Variants in NTRK3 observed in about 807,000 individuals in gnomAD.
NTRK3 encodes the protein neurotrophic receptor tyrosine kinase 3, also known as NT-3 growth factor receptor.
Under a neutral mutation model 91.7 loss-of-function variants are expected in NTRK3, and 24 were observed. The observed-to-expected ratio is 0.26, with a 90% CI of 0.19 to 0.37. NTRK3 has a LOEUF of 0.37. NTRK3 is among the 10% of genes least tolerant of loss of function. The pLI is 1.00. For missense variants in NTRK3, 880 were observed against 1,068.9 expected, an observed-to-expected ratio of 0.82 and a Z score of 2.46; for synonymous variants, 483 against 404.0, an observed-to-expected ratio of 1.20 and a Z score of -2.34.
chr15:88,255,369 C>CTTGT lies in NTRK3; in HGVS notation c.248+533_248+536dup. Among the ~76,000 whole-genome samples, 1 of 152,270 alleles carries CTTGT rather than the reference C, an allele frequency of 6.6e-6. No homozygotes were observed. Among genetic ancestry groups the CTTGT allele is most frequent in the East Asian group, 1.9e-4 (1 of 5,156 alleles). ...CTCCCCGCGAGCAGCCAGCTCGCAA[C>CTTGT]TTGTTTACTTGTCAGCATGTTTTGC... On this transcript the variant is annotated intron_variant, in intron 3 of 18. Transcript: ENST00000394480. The surrounding 1 kb of genome is among the most constrained non-coding windows in gnomAD (Gnocchi z 4.3).
intron 4 of NTRK3, 143 bp downstream of exon 4, chr15:88,184,082 T>C (rs1248348529): frequency 2.5e-6 from 2 of 790,196 alleles, no homozygotes; most frequent in African/African-American, 3.4e-5. Context: ...TAAGTGCATA[T>C]TGCCAACTCT....
chr15:87,928,851 GTC>G, intron 17 of NTRK3: 1 of 493,454 alleles, frequency 2.0e-6, no homozygotes, highest in South Asian at 2.4e-5. Context: ...AGTTGGGTGT[GTC>G]TGTGTGTGTG....
intron 13 of NTRK3, among the ~76,000 whole-genome samples, chr15:88,082,345 A>C (rs1160434496): frequency 1.3e-5 from 2 of 151,952 alleles, no homozygotes; most frequent in Non-Finnish European, 2.9e-5. Context: ...GGGGAAGAAG[A>C]GAGAATGAAT....
chr15:87,865,250 G>C (rs571194918), exon 19 of NTRK3: 1 of 206,768 alleles, frequency 4.8e-6, no homozygotes, highest in African/African-American at 2.3e-5. Context: ...GGAGATCTAT[G>C]AAAAATAACA....
intron 14 of NTRK3, among the ~76,000 whole-genome samples, chr15:87,952,833 C>A (rs191170885): frequency 6.6e-6 from 1 of 152,184 alleles, no homozygotes; most frequent in Non-Finnish European, 1.5e-5. Context: ...CTGCCAGGCA[C>A]CCCCGCCTTT....
chr15:88,104,562 G>A (rs2050506922), intron 13 of NTRK3, among the ~76,000 whole-genome samples: 1 of 152,176 alleles, frequency 6.6e-6, no homozygotes, highest in South Asian at 2.1e-4. Context: ...CCTCATGATG[G>A]TGGCACTTCC....
At chr15:88,137,990 G>T (rs1226105642) in intron 6 of NTRK3, among the ~76,000 whole-genome samples, 1 of 152,064 alleles carries the variant, frequency 6.6e-6, no homozygotes, top group Non-Finnish European at 1.5e-5. Context: ...GATGGAGGTT[G>T]CAGTGAACTG....
chr15:88,211,019 T>A (rs2049192832), intron 3 of NTRK3, among the ~76,000 whole-genome samples: 1 of 152,236 alleles, frequency 6.6e-6, no homozygotes, highest in Admixed American at 6.5e-5. Flanking sequence ...ATTGTTTTAA[T>A]TGAGGGCAAA....
intron 3 of NTRK3, among the ~76,000 whole-genome samples, chr15:88,188,156 C>T (rs536621360): frequency 6.6e-6 from 1 of 152,182 alleles, no homozygotes; most frequent in Admixed American, 6.5e-5. Context: ...GGTGATGGCC[C>T]CCACAGGAAC....
intron 13 of NTRK3, among the ~76,000 whole-genome samples, chr15:88,070,404 G>A (rs977157184): frequency 1.3e-5 from 2 of 152,004 alleles, no homozygotes; most frequent in African/African-American, 4.8e-5. Flanking sequence ...GGGGCGCTGG[G>A]GTCTCTGTGG....
chr15:87,912,863 G>T (rs1596217359), intron 17 of NTRK3, among the ~76,000 whole-genome samples: 1 of 148,456 alleles, frequency 6.7e-6, no homozygotes, highest in Admixed American at 6.9e-5. Flanking sequence ...ATCAATGTCT[G>T]CTTGGGAGCA....
intron 3 of NTRK3, chr15:88,252,500 GAGGTAGCC>G (rs1288822106): frequency 5.3e-5 from 8 of 152,306 alleles, no homozygotes; most frequent in Non-Finnish European, 1.0e-4. Context: ...TTTGCAAGCC[GAGGTAGCC>G]AGCCCCAAGC....
intron 5 of NTRK3, among the ~76,000 whole-genome samples, chr15:88,180,365 G>A (rs1006216098): frequency 3.3e-5 from 5 of 152,104 alleles, no homozygotes; most frequent in African/African-American, 9.7e-5. Context: ...CTCATTTTCC[G>A]CAATCTACAA....
chr15:88,082,865 C>T (rs1424692264), intron 13 of NTRK3, among the ~76,000 whole-genome samples: 1 of 152,168 alleles, frequency 6.6e-6, no homozygotes, highest in African/African-American at 2.4e-5. Flanking sequence ...TACACAGGGG[C>T]TTCCACAAAG....
intron 5 of NTRK3, among the ~76,000 whole-genome samples, chr15:88,183,028 C>T (rs1283829738): frequency 6.7e-6 from 1 of 149,076 alleles, no homozygotes; most frequent in Non-Finnish European, 1.5e-5. Context: ...CCCCGCCCCC[C>T]GCCAGTCCTA....
At position 88,237,664 on chromosome 15, in the gene NTRK3, C is replaced by G. The variant is rs572706178; in HGVS notation, c.248+18242G>C. ...CGTGTGTCCTTCCCTTTATCCACCT[C>G]TATTCCACCTAAGACCGTGCAACTT... is the stretch of plus-strand genomic sequence containing the variant. On this transcript the variant is annotated intron_variant, in intron 3 of 18. Coordinates refer to ENST00000394480, the Ensembl canonical transcript of NTRK3. The surrounding 1 kb of genome is among the most constrained non-coding windows in gnomAD (Gnocchi z 4.0). 6.6e-6 allele frequency among the ~76,000 whole-genome samples: 1 copy of G among 152,326 alleles called. No individual in the cohort carries two copies. Among genetic ancestry groups the G allele is most frequent in the Admixed American group, 6.5e-5 (1 of 15,304 alleles).
At chr15:88,011,474 T>A (rs1394896293) in intron 14 of NTRK3, among the ~76,000 whole-genome samples, 1 of 152,184 alleles carries the variant, frequency 6.6e-6, no homozygotes, top group Non-Finnish European at 1.5e-5. Context: ...TTTGCTACCT[T>A]CCTATAATTT....
chr15:88,221,401 T>G (rs999607315), intron 3 of NTRK3, among the ~76,000 whole-genome samples: 1 of 152,160 alleles, frequency 6.6e-6, no homozygotes, highest in Non-Finnish European at 1.5e-5. Flanking sequence ...ATGAGAAAAA[T>G]AACAGCAATT....
chr15:88,179,998 T>C (rs1305746480), intron 5 of NTRK3, among the ~76,000 whole-genome samples: 1 of 152,164 alleles, frequency 6.6e-6, no homozygotes, highest in African/African-American at 2.4e-5. Flanking sequence ...AGAATACCCA[T>C]CAAGGTCACC....
Sources: allele counts gnomAD v4.1 joint callset (sites outside exome capture counted in the v4.1 genomes callset), GRCh38; gene constraint gnomAD v4.1.1; non-coding constraint Gnocchi (gnomAD v3.1); transcripts MANE v1.5; gene names NCBI Gene and HGNC (gene_info 2026-07-23, HGNC 2026-07-21).